STK32C: variants seen among roughly 807,000 people sequenced by gnomAD.
The protein encoded by STK32C is serine/threonine-protein kinase 32C.
A neutral mutation model predicts 56.5 loss-of-function variants in STK32C; 31 were observed. The ratio of observed to expected loss-of-function variants is 0.55; its 90% CI spans 0.41 to 0.74. The LOEUF (loss-of-function observed/expected upper bound fraction) is 0.74, where lower values mean the gene tolerates loss of function less well. STK32C is among the 30% of genes least tolerant of loss of function. STK32C has a pLI of 0.00. For synonymous variants in STK32C, 309 were observed against 289.4 expected (o/e 1.07, Z -0.69); for missense variants, 544 against 676.9 (o/e 0.80, Z 2.18).
chr10:132,264,001 A>G (rs2064403723), intron 1 of STK32C, among the ~76,000 whole-genome samples: 1 of 152,204 alleles, frequency 6.6e-6, no homozygotes, highest in Admixed American at 6.5e-5. Context: ...TTCATGCATC[A>G]TGTGACTCCG....
intron 7 of STK32C, 51 bp downstream of exon 7, chr10:132,225,182 C>T (rs757658116): frequency 2.7e-6 from 4 of 1,467,020 alleles, no homozygotes; most frequent in Non-Finnish European, 3.7e-6. Context: ...CTGGTGGGGG[C>T]AGAGAGCAGG....
intron 1 of STK32C, among the ~76,000 whole-genome samples, chr10:132,326,182 A>T (rs951482559): frequency 1.3e-5 from 2 of 152,226 alleles, no homozygotes; most frequent in African/African-American, 4.8e-5. Flanking sequence ...TCCGCCCCAC[A>T]AAAGACAGCT....
chr10:132,316,624 T>C (rs1321604610), intron 1 of STK32C, among the ~76,000 whole-genome samples: 1 of 149,864 alleles, frequency 6.7e-6, no homozygotes, highest in Non-Finnish European at 1.5e-5. Context: ...GTCTAAAAGA[T>C]CAGGAAAATC....
intron 4 of STK32C, 133 bp from the exon 5 acceptor site, chr10:132,225,917 T>C (rs1478807671): frequency 2.5e-6 from 3 of 1,201,854 alleles, no homozygotes; most frequent in Non-Finnish European, 3.6e-6. Context: ...GAGCTTGACT[T>C]GGTCCTTGGA....
intron 1 of STK32C, among the ~76,000 whole-genome samples, chr10:132,286,633 T>C (rs1053624860): frequency 2.6e-5 from 4 of 152,006 alleles, no homozygotes; most frequent in Admixed American, 1.3e-4. Context: ...ACAAACAAAA[T>C]AAAGGAGGAA....
intron 10 of STK32C, among the ~76,000 whole-genome samples, chr10:132,221,756 A>G (rs1171142754): frequency 7.2e-6 from 1 of 138,974 alleles, no homozygotes; most frequent in Admixed American, 7.3e-5. Context: ...CTGCACACAC[A>G]ACCAAAGCCA....
intron 10 of STK32C, among the ~76,000 whole-genome samples, chr10:132,214,735 G>A (rs1015665003): frequency 6.6e-6 from 1 of 152,240 alleles, no homozygotes; most frequent in African/African-American, 2.4e-5. Flanking sequence ...TCAGGAACAG[G>A]AGGATTGCAC....
At chr10:132,228,644 A>C (rs1249372745) in intron 2 of STK32C, among the ~76,000 whole-genome samples, 8 of 152,230 alleles carry the variant, frequency 5.3e-5, no homozygotes, top group Admixed American at 2.0e-4. Flanking sequence ...CCTAAACCCC[A>C]ACATCCTTTT....
At chr10:132,238,830 A>G (rs1303265017) in intron 2 of STK32C, among the ~76,000 whole-genome samples, 4 of 152,264 alleles carry the variant, frequency 2.6e-5, no homozygotes, top group African/African-American at 9.6e-5. Flanking sequence ...AGAGGCATGC[A>G]CACACACGCA....
At chr10:132,273,265 T>G (rs1355735551) in intron 1 of STK32C, among the ~76,000 whole-genome samples, 3 of 151,236 alleles carry the variant, frequency 2.0e-5, no homozygotes, top group Admixed American at 1.3e-4. Flanking sequence ...CAGCCCCCAG[T>G]CAAGAAAGGA....
Position 132,255,759 on chromosome 10 carries a change from T to C in STK32C, c.263-9804A>G, listed in dbSNP as rs557617232. ...GGGTGTGGGTGCCGGCCTCTGACCC[T>C]GGACTCCTCAGTCCAGAGGGGGCCT... is the stretch of plus-strand genomic sequence containing the variant. On this transcript the variant is annotated intron_variant, in intron 1 of 11. Transcript: ENST00000298630. The surrounding 1 kb of genome is among the most constrained non-coding windows in gnomAD (Gnocchi z 4.6). Among the ~76,000 whole-genome samples, 1,144 of 152,286 alleles carry C rather than the reference T, an allele frequency of 7.5e-3. 3 individuals carry two copies. Among genetic ancestry groups the C allele is most frequent in the South Asian group, 0.014 (67 of 4,830 alleles).
chr10:132,290,411 C>T (rs2065528823), intron 1 of STK32C, among the ~76,000 whole-genome samples: 2 of 152,244 alleles, frequency 1.3e-5, no homozygotes, highest in African/African-American at 4.8e-5. Flanking sequence ...CCCCTGCCCA[C>T]ATGGCTTTCT....
chr10:132,293,643 C>T (rs755125362), intron 1 of STK32C, among the ~76,000 whole-genome samples: 1 of 152,196 alleles, frequency 6.6e-6, no homozygotes, highest in Non-Finnish European at 1.5e-5. Context: ...GCAGTCAGGC[C>T]GGCTACAGCA....
intron 10 of STK32C, among the ~76,000 whole-genome samples, chr10:132,212,788 G>A (rs1007335409): frequency 1.1e-4 from 17 of 152,204 alleles, no homozygotes; most frequent in African/African-American, 2.9e-4. Context: ...CCATCCCTGC[G>A]ACAGGAAAAA....
intron 1 of STK32C, among the ~76,000 whole-genome samples, chr10:132,254,133 C>T (rs997485514): frequency 6.6e-6 from 1 of 152,136 alleles, no homozygotes; most frequent in African/African-American, 2.4e-5. Context: ...CATGGTGAAA[C>T]CCCGTCTCTA....
At chr10:132,208,506 C>T (rs1398072187) in intron 11 of STK32C, among the ~76,000 whole-genome samples, 1 of 152,214 alleles carries the variant, frequency 6.6e-6, no homozygotes, top group Non-Finnish European at 1.5e-5. Flanking sequence ...GCCGTCTGCA[C>T]GTGCTGCCCT....
intron 1 of STK32C, among the ~76,000 whole-genome samples, chr10:132,305,749 C>T (rs933312745): frequency 3.3e-5 from 5 of 152,232 alleles, no homozygotes; most frequent in Non-Finnish European, 5.9e-5. Context: ...GTTGTCTGTG[C>T]CCTGCCAGTG....
At chr10:132,328,275 C>T (rs1055035003) in intron 1 of STK32C, among the ~76,000 whole-genome samples, 3 of 151,630 alleles carry the variant, frequency 2.0e-5, no homozygotes, top group Non-Finnish European at 4.4e-5. Flanking sequence ...CATAGGGGGT[C>T]GAAGTGAGGT....
chr10:132,248,874 G>A (rs1590257756), intron 1 of STK32C, among the ~76,000 whole-genome samples: 1 of 152,376 alleles, frequency 6.6e-6, no homozygotes, highest in South Asian at 2.1e-4. Flanking sequence ...ACCAGCAAGG[G>A]AGTCCAGCCA....
Sources: gnomAD v4.1 joint callset for allele counts (sites outside exome capture counted in the v4.1 genomes callset) on GRCh38, gnomAD v4.1.1 for gene constraint, Gnocchi (gnomAD v3.1) non-coding constraint, MANE v1.5 for transcripts, NCBI Gene and HGNC (gene_info 2026-07-23, HGNC 2026-07-21) for gene names.